Variants in MEI1 observed in about 807,000 individuals in gnomAD.
MEI1 encodes meiotic double-stranded break formation protein 1, also known as meiosis inhibitor protein 1.
Under a neutral mutation model 146.2 loss-of-function variants are expected in MEI1, and 103 were observed. The observed-to-expected ratio is 0.70, with a 90% CI of 0.60 to 0.83. The LOEUF is 0.83. Ranked by LOEUF, MEI1 falls within the 40% of genes least tolerant of loss-of-function variation. The pLI, the probability that MEI1 is intolerant of heterozygous loss-of-function variation, is 0.00. For synonymous variants in MEI1, 652 were observed against 628.2 expected (o/e 1.04, Z -0.57); for missense variants, 1,529 against 1,533.0 (o/e 1.00, Z 0.04).
rs1196248301 is a variant in MEI1 at position 41,784,873 on chromosome 22, G to A, written c.3345+90G>A. On this transcript the variant is annotated intron_variant, in intron 26 of 30. Transcript: ENST00000401548. Reference sequence around the variant, plus strand: ...TCGAGAGCCTGATACTCCTACCAGGGCTTGGAGGGTGGATTAAGACTTTTT... The same window carrying A: ...TCGAGAGCCTGATACTCCTACCAGGACTTGGAGGGTGGATTAAGACTTTTT... The A allele has an allele frequency of 3.4e-6, 3 of 877,538 alleles. No individual in the cohort carries two copies. The East Asian group carries it at 9.8e-5, about 29-fold the overall frequency. The allele number at this position is 877,538 out of a possible 1,614,324, so 54.4% of individuals were successfully genotyped here. A position where few individuals can be genotyped will look rare whatever the true frequency, so the allele number is the denominator to read the frequency against.
intron 6 of MEI1, among the ~76,000 whole-genome samples, chr22:41,719,499 T>C (rs546975099): frequency 6.6e-6 from 1 of 152,322 alleles, no homozygotes; most frequent in East Asian, 1.9e-4. Flanking sequence ...AACTTGTCCT[T>C]TTATGAGGAG....
At chr22:41,741,069 C>T (rs543051400) in intron 11 of MEI1, among the ~76,000 whole-genome samples, 5 of 152,274 alleles carry the variant, frequency 3.3e-5, no homozygotes, top group Non-Finnish European at 7.3e-5. Flanking sequence ...CGCCACCATG[C>T]CCAGCTAAAT....
intron 5 of MEI1, among the ~76,000 whole-genome samples, chr22:41,717,344 G>A (rs1295887968): frequency 2.0e-5 from 3 of 152,090 alleles, no homozygotes; most frequent in Admixed American, 6.6e-5. Context: ...TGTATTTTTA[G>A]TAGAGGTGGG....
At chr22:41,755,967 T>C (rs1265403571) in intron 17 of MEI1, among the ~76,000 whole-genome samples, 1 of 152,088 alleles carries the variant, frequency 6.6e-6, no homozygotes, top group Non-Finnish European at 1.5e-5. Flanking sequence ...TCTCATCCAC[T>C]CACTGCTGGA....
intron 9 of MEI1, among the ~76,000 whole-genome samples, chr22:41,731,862 T>C (rs2071895341): frequency 6.6e-6 from 1 of 152,266 alleles, no homozygotes; most frequent in African/African-American, 2.4e-5. Context: ...GCACAGGAGC[T>C]GTGGGGGCTC....
At chr22:41,788,143 C>T (rs185629895) in intron 26 of MEI1, among the ~76,000 whole-genome samples, 1 of 151,672 alleles carries the variant, frequency 6.6e-6, no homozygotes, top group Non-Finnish European at 1.5e-5. Context: ...GATTCTCCTG[C>T]CTCAGCCTCC....
At chr22:41,719,026 A>G in intron 6 of MEI1, among the ~76,000 whole-genome samples, 1 of 126,322 alleles carries the variant, frequency 7.9e-6, no homozygotes, top group East Asian at 2.3e-4. Context: ...ACTGTTGCCC[A>G]GGCCGGACTG....
chr22:41,784,636 C>T lies in MEI1; in HGVS notation c.3198C>T (p.Ala1066=), dbSNP rs2075886287. 1.2e-6 allele frequency: 2 copies of T among 1,613,316 alleles called. No homozygotes were observed. The highest frequency in any genetic ancestry group is 4.5e-5 in the East Asian group (2 of 44,862). ...CCATCTTATGCTTCCTGCGGACAGC[C>T]CTGCGACAAAGCTTTTCCTCTGCCC... ...SAAILCFLRT[A]LRQSFSSALV... is the part of the protein sequence containing the mutation. The change falls in exon 26 of 31, where the codon GCC becomes GCT. Residue 1066 remains alanine, a synonymous_variant. Coordinates refer to ENST00000401548, the MANE Select transcript of MEI1 (RefSeq NM_152513.4).
intron 22 of MEI1, among the ~76,000 whole-genome samples, chr22:41,779,176 A>G (rs1338246559): frequency 6.6e-6 from 1 of 151,850 alleles, no homozygotes; most frequent in Non-Finnish European, 1.5e-5. Flanking sequence ...TGCCAGGCCT[A>G]GTGGCTCACG....
At position 41,770,752 on chromosome 22, in the gene MEI1, C is replaced by T. The variant is rs1177417429; in HGVS notation, c.2335C>T (p.His779Tyr). Residue 779 changes from histidine (H) to tyrosine (Y), a missense_variant, in exon 20 of 31, where the codon CAT becomes TAT. By Grantham distance (83) the His-to-Tyr change is moderately conservative. This residue lies in a region of MEI1 where 1,212 missense variants were observed against 1,178.9 expected (regional missense o/e 1.03). Transcript: ENST00000401548. ...AGACCTGCAGCTAGTCTATACTCAC[C>T]ATCCGCTCCTGCTCAGGTTCTTTCT... ...IPDLQLVYTH[H>Y]PLLLRFFLLY... The T allele has an allele frequency of 6.2e-7, 1 of 1,613,800 alleles. No homozygotes were observed. The highest frequency in any genetic ancestry group is 1.3e-5 in the African/African-American group (1 of 74,922).
chr22:41,796,230 C>T (rs1569342382), intron 30 of MEI1, among the ~76,000 whole-genome samples: 1 of 152,122 alleles, frequency 6.6e-6, no homozygotes, highest in Non-Finnish European at 1.5e-5. Flanking sequence ...CTCCGTCGCC[C>T]AGGCTGGAGT....
intron 6 of MEI1, among the ~76,000 whole-genome samples, chr22:41,722,542 A>G (rs980713594): frequency 5.1e-5 from 7 of 138,388 alleles, no homozygotes; most frequent in Middle Eastern, 4.5e-3. Flanking sequence ...AATCCTTATT[A>G]ACCTCTCAAG....
At chr22:41,797,623 A>C (rs1228247270) in intron 30 of MEI1, among the ~76,000 whole-genome samples, 2 of 152,118 alleles carry the variant, frequency 1.3e-5, no homozygotes, top group Non-Finnish European at 2.9e-5. Context: ...AAAAAATAAA[A>C]AATTACCTTC....
intron 3 of MEI1, among the ~76,000 whole-genome samples, chr22:41,712,908 A>AAG (rs2069731431): frequency 6.7e-6 from 1 of 148,868 alleles, no homozygotes. Flanking sequence ...TCCCAGATTC[A>AAG]TGCCATTCTC....
At chr22:41,734,426 C>G (rs541619907) in intron 11 of MEI1, among the ~76,000 whole-genome samples, 2 of 152,134 alleles carry the variant, frequency 1.3e-5, no homozygotes, top group South Asian at 4.2e-4. Context: ...AACCCTGTCT[C>G]TACTAAAAAT....
At chr22:41,741,074 C>T (rs555403565) in intron 11 of MEI1, among the ~76,000 whole-genome samples, 1 of 152,244 alleles carries the variant, frequency 6.6e-6, no homozygotes, top group African/African-American at 2.4e-5. Flanking sequence ...CCATGCCCAG[C>T]TAAATTTTGT....
chr22:41,735,198 G>A (rs1406505709), intron 11 of MEI1, among the ~76,000 whole-genome samples: 1 of 147,472 alleles, frequency 6.8e-6, no homozygotes, highest in Non-Finnish European at 1.5e-5. Context: ...TCCTGACCTC[G>A]TGATCCGCCC....
At chr22:41,773,629 G>A (rs932382358) in intron 20 of MEI1, among the ~76,000 whole-genome samples, 5 of 150,604 alleles carry the variant, frequency 3.3e-5, no homozygotes, top group Admixed American at 2.0e-4. Flanking sequence ...TAATCCCAGC[G>A]CTTTGGGAGG....
rs376107736 is a variant in MEI1 at position 41,718,236 on chromosome 22, A to G, written c.695A>G (p.Asp232Gly). 5.0e-6 allele frequency: 8 copies of G among 1,613,988 alleles called. No homozygotes were observed. Among genetic ancestry groups the G allele is most frequent in the Non-Finnish European group, 6.8e-6 (8 of 1,179,888 alleles). ...TTTCCCCTCTTCCTTTCCATCCTGG[A>G]TGGTGCCCAGACAAAGGAGCTGCAG... The part of the protein sequence containing the change: ...KLFPLFLSIL[D>G]GAQTKELQIN... The change falls in exon 6 of 31, where the codon GAT (aspartate) becomes GGT (glycine). Residue 232 changes from aspartate (D) to glycine (G), a missense_variant. By Grantham distance (94) the Asp-to-Gly change is moderately conservative. Around this residue, in one of 3 missense-constraint regions of MEI1, gnomAD observed 1,212 missense variants for 1,178.9 expected, o/e 1.03. Transcript: ENST00000401548.
Sources: allele counts gnomAD v4.1 joint callset (sites outside exome capture counted in the v4.1 genomes callset), GRCh38; gene constraint gnomAD v4.1.1; regional missense constraint gnomAD v4.1.1; transcripts MANE v1.5; gene names NCBI Gene and HGNC (gene_info 2026-07-23, HGNC 2026-07-21).